CNTNAP2: variants seen among roughly 807,000 people sequenced by gnomAD.
CNTNAP2 encodes contactin associated protein 2.
CNTNAP2 carries 98 observed loss-of-function variants against 155.2 expected under a neutral mutation model. That is an observed-to-expected ratio of 0.63 (90% CI 0.54 to 0.75). The LOEUF is 0.75. Among genes scored for constraint, CNTNAP2 ranks in the 30% least tolerant of loss-of-function variants. The probability of loss-of-function intolerance (pLI) is 0.00; values close to 1 mark genes in which losing one functional copy is unlikely to be tolerated. For synonymous variants in CNTNAP2, 651 were observed against 631.2 expected, an observed-to-expected ratio of 1.03 and a Z score of -0.47; for missense variants, 1,727 against 1,688.1, an observed-to-expected ratio of 1.02 and a Z score of -0.40.
intron 15 of CNTNAP2, among the ~76,000 whole-genome samples, chr7:148,028,989 C>T (rs1187809506): frequency 1.3e-5 from 2 of 152,122 alleles, no homozygotes; most frequent in Non-Finnish European, 2.9e-5. Context: ...CAAATAAAAT[C>T]CCAATCATAT....
intron 1 of CNTNAP2, among the ~76,000 whole-genome samples, chr7:146,259,871 A>G (rs1483331043): frequency 2.0e-5 from 3 of 152,240 alleles, no homozygotes; most frequent in Non-Finnish European, 2.9e-5. Context: ...CTGAATGTTA[A>G]TAGCCAAGAG....
At chr7:147,417,734 G>C (rs1797220088) in intron 10 of CNTNAP2, among the ~76,000 whole-genome samples, 1 of 152,062 alleles carries the variant, frequency 6.6e-6, no homozygotes, top group Non-Finnish European at 1.5e-5. Flanking sequence ...TTCCTTAAAA[G>C]CAACACCAAA....
chr7:147,978,138 G>A lies in CNTNAP2; in HGVS notation c.2383+149G>A, dbSNP rs545453831. The stretch of plus-strand genomic sequence containing the variant: ...ACCCAAGCAGAGATAACTTAGAGGA[G>A]GGGAACAGCCATAAAGCCTCCAGTA... On this transcript the variant is annotated intron_variant, in intron 15 of 23. Transcript: ENST00000361727. 82 of 1,132,530 alleles carry A rather than the reference G, an allele frequency of 7.2e-5. 1 individual carries two copies. Among genetic ancestry groups the A allele is most frequent in the Non-Finnish European group, 8.3e-5 (65 of 784,682 alleles). 70.2% of individuals were successfully genotyped at this position (1,132,530 alleles called of 1,614,324 possible). A position where few individuals can be genotyped will look rare whatever the true frequency, so the allele number is the denominator to read the frequency against.
At chr7:146,500,103 A>T (rs189563053) in intron 1 of CNTNAP2, among the ~76,000 whole-genome samples, 2 of 146,492 alleles carry the variant, frequency 1.4e-5, no homozygotes, top group Admixed American at 1.3e-4. Context: ...TTTTTGTGTG[A>T]ATTCCTTAGA....
At chr7:146,362,880 C>T (rs1795103287) in intron 1 of CNTNAP2, among the ~76,000 whole-genome samples, 1 of 149,608 alleles carries the variant, frequency 6.7e-6, no homozygotes, top group African/African-American at 2.5e-5. Context: ...AAGAGATTCT[C>T]CTGCCTCAGC....
chr7:146,856,281 GATAGATAGA>G (rs1794983015), intron 3 of CNTNAP2, among the ~76,000 whole-genome samples: 1 of 139,076 alleles, frequency 7.2e-6, no homozygotes, highest in Admixed American at 7.1e-5. Flanking sequence ...TAGATAGATA[GATAGATAGA>G]TAGATAGATA....
intron 20 of CNTNAP2, among the ~76,000 whole-genome samples, chr7:148,262,637 A>G (rs1179371120): frequency 6.6e-6 from 1 of 151,934 alleles, no homozygotes; most frequent in Admixed American, 6.6e-5. Flanking sequence ...CCTCCCTCCT[A>G]TAAAGACCCT....
chr7:146,234,913 G>A (rs1449740398), intron 1 of CNTNAP2, among the ~76,000 whole-genome samples: 1 of 152,160 alleles, frequency 6.6e-6, no homozygotes, highest in Non-Finnish European at 1.5e-5. Context: ...TATTTGGCAT[G>A]TCTGTGATAA....
intron 1 of CNTNAP2, among the ~76,000 whole-genome samples, chr7:146,645,436 T>A (rs1192255906): frequency 6.6e-6 from 1 of 152,168 alleles, no homozygotes; most frequent in Admixed American, 6.6e-5. Context: ...GCATACCCCC[T>A]GGCCACAGTG....
chr7:147,149,602 T>C (rs757650144), intron 8 of CNTNAP2, among the ~76,000 whole-genome samples: 1 of 152,168 alleles, frequency 6.6e-6, no homozygotes, highest in African/African-American at 2.4e-5. Flanking sequence ...TTGAATGATA[T>C]GATTTTTAAA....
At chr7:146,472,371 T>A (rs1796813328) in intron 1 of CNTNAP2, among the ~76,000 whole-genome samples, 1 of 152,234 alleles carries the variant, frequency 6.6e-6, no homozygotes, top group African/African-American at 2.4e-5. Context: ...TCTTTTCTGC[T>A]GTAGAAAATG....
At chr7:147,296,916 T>C (rs151223300) in intron 8 of CNTNAP2, among the ~76,000 whole-genome samples, 1 of 152,218 alleles carries the variant, frequency 6.6e-6, no homozygotes, top group African/African-American at 2.4e-5. Context: ...TTCTACATCA[T>C]TGGAAGCCAT....
intron 13 of CNTNAP2, among the ~76,000 whole-genome samples, chr7:147,879,492 A>AG (rs1343199375): frequency 2.0e-5 from 3 of 152,184 alleles, no homozygotes; most frequent in African/African-American, 4.8e-5. Flanking sequence ...GCTCTTCCAA[A>AG]GGTCAAAACA....
chr7:146,264,897 T>C (rs940377529), intron 1 of CNTNAP2, among the ~76,000 whole-genome samples: 2 of 152,214 alleles, frequency 1.3e-5, no homozygotes, highest in African/African-American at 4.8e-5. Flanking sequence ...CTGGTCATTG[T>C]ATCATAAGAT....
intron 8 of CNTNAP2, among the ~76,000 whole-genome samples, chr7:147,169,898 G>A (rs1437435865): frequency 6.6e-6 from 1 of 152,050 alleles, no homozygotes; most frequent in Non-Finnish European, 1.5e-5. Context: ...ATCTTGATGT[G>A]CTTTCTTGCT....
chr7:147,472,204 CTTTTTTTTTTTT>C (rs542047274), intron 10 of CNTNAP2, among the ~76,000 whole-genome samples: 1 of 81,072 alleles, frequency 1.2e-5, no homozygotes, highest in Non-Finnish European at 2.3e-5. Context: ...TCTTTTTTTC[CTTTTTTTTTTTT>C]TTTTTTTTTT....
chr7:147,982,821 C>CA lies in CNTNAP2; in HGVS notation c.2383+4833dup, dbSNP rs1318280212. 1.0e-3 allele frequency among the ~76,000 whole-genome samples: 155 copies of CA among 152,120 alleles called. 2 individuals are homozygous for CA. The highest frequency in any genetic ancestry group is 3.5e-3 in the African/African-American group (144 of 41,512). On this transcript the variant is annotated intron_variant, in intron 15 of 23. Coordinates refer to ENST00000361727, the MANE Select transcript of CNTNAP2 (RefSeq NM_014141.6). ...TCACTTGAGGTCAGGAGTTCGAGGA[C>CA]AGCCTGGCCAACATGGTGAAGCCCT...
chr7:146,868,011 G>A (rs527901460), intron 3 of CNTNAP2, among the ~76,000 whole-genome samples: 2 of 152,126 alleles, frequency 1.3e-5, no homozygotes, highest in African/African-American at 2.4e-5. Context: ...CTGCAGAAAC[G>A]CTCTTAAGTT....
intron 5 of CNTNAP2, among the ~76,000 whole-genome samples, chr7:147,119,013 AC>A (rs1025419736): frequency 1.3e-5 from 2 of 152,180 alleles, no homozygotes; most frequent in African/African-American, 4.8e-5. Context: ...TATTTTTAAA[AC>A]AAGACCCAAT....
Sources: gnomAD v4.1 joint callset for allele counts (sites outside exome capture counted in the v4.1 genomes callset) on GRCh38, gnomAD v4.1.1 for gene constraint, MANE v1.5 for transcripts, NCBI Gene and HGNC (gene_info 2026-07-23, HGNC 2026-07-21) for gene names.